The following ASB11 variants were observed in gnomAD, a reference collection of about 807,000 sequenced individuals.
The protein encoded by ASB11 is ankyrin repeat and SOCS box containing 11.
ASB11 carries 17 observed loss-of-function variants against 20.1 expected under a neutral mutation model. The ratio of observed to expected loss-of-function variants is 0.85; its 90% CI spans 0.58 to 1.27. The LOEUF (loss-of-function observed/expected upper bound fraction) is 1.27, where lower values mean the gene tolerates loss of function less well. Among genes scored for constraint, ASB11 ranks in the 50% most tolerant of loss-of-function variants. The pLI, the probability that ASB11 is intolerant of heterozygous loss-of-function variation, is 0.00. For synonymous variants in ASB11, 107 were observed against 105.6 expected, an observed-to-expected ratio of 1.01 and a Z score of -0.08; for missense variants, 259 against 256.9, an observed-to-expected ratio of 1.01 and a Z score of -0.06.
rs140433192 is a variant in ASB11, at chrX:15,289,630, C to G, written c.529G>C (p.Glu177Gln). Residue 177 changes from glutamate (E) to glutamine (Q), a missense_variant, in exon 5 of 7, where the codon GAG (glutamate) becomes CAG (glutamine). Glu to Gln is a conservative substitution (Grantham distance 29). Coordinates refer to ENST00000480796, the MANE Select transcript of ASB11 (RefSeq NM_080873.3). ...TTTGCCAGCAGGATCTCCATGCACT[C>G]TCTGTGACCTGGTGGAACACAAGAT... ...IHEAVKRGHR[E>Q]CMEILLANNV... is the part of the protein sequence containing the mutation. 3.5e-5 allele frequency: 42 copies of G among 1,206,072 alleles called. No homozygotes were observed. The highest frequency in any genetic ancestry group is 4.7e-5 in the Non-Finnish European group (42 of 893,256).
intron 1 of ASB11, among the ~76,000 whole-genome samples, chrX:15,311,130 TA>T (rs1921418865): frequency 8.9e-6 from 1 of 112,635 alleles, no homozygotes; most frequent in African/African-American, 3.2e-5. Flanking sequence ...GAAACAAAGG[TA>T]ACTGGGAAAA....
intron 3 of ASB11, among the ~76,000 whole-genome samples, chrX:15,294,612 C>A (rs112173368): frequency 0.024 from 2,718 of 111,730 alleles, 92 homozygotes; most frequent in African/African-American, 0.083. Flanking sequence ...TTCAAATGAC[C>A]CTCCTGCCTC....
At chrX:15,312,603 GACAATAGTTT>G (rs1921476040) in intron 1 of ASB11, among the ~76,000 whole-genome samples, 1 of 109,988 alleles carries the variant, frequency 9.1e-6, no homozygotes, top group East Asian at 2.8e-4. Flanking sequence ...TGACATTGCT[GACAATAGTTT>G]ACAGGAATAG....
rs60765469 is a variant in ASB11 at position 15,309,967 on chromosome X, CAAAAAAA to C, written c.181+5451_181+5457del. Among the ~76,000 whole-genome samples, 12 of 15,528 alleles carry C rather than the reference CAAAAAAA, an allele frequency of 7.7e-4. 1 individual carries two copies. The East Asian group carries it at 0.02, about 25-fold the overall frequency. The allele number at this position is 15,528 out of a possible 115,157, so 13.5% of individuals were successfully genotyped here. ...TGGGCGACAGAGCAAGACTCCGTCT[CAAAAAAA>C]AAAAAAAAAAAAAAAAAGTAGAAGT... is the stretch of plus-strand genomic sequence containing the variant. On this transcript the variant is annotated intron_variant, in intron 1 of 6. Coordinates refer to ENST00000480796, the MANE Select transcript of ASB11 (RefSeq NM_080873.3).
At chrX:15,299,295 G>A (rs1921001603) in intron 2 of ASB11, among the ~76,000 whole-genome samples, 1 of 112,096 alleles carries the variant, frequency 8.9e-6, no homozygotes, top group African/African-American at 3.2e-5. Flanking sequence ...GGAAACATGA[G>A]ACATCAATCA....
chrX:15,296,655 G>C (rs139245811), intron 3 of ASB11, among the ~76,000 whole-genome samples: 1 of 111,722 alleles, frequency 9.0e-6, no homozygotes, highest in Non-Finnish European at 1.9e-5. Context: ...TTAAAAGCTC[G>C]CTCATTTTGA....
intron 6 of ASB11, among the ~76,000 whole-genome samples, chrX:15,284,970 G>C (rs1448332996): frequency 9.0e-6 from 1 of 111,070 alleles, no homozygotes; most frequent in African/African-American, 3.3e-5. Flanking sequence ...AAGCTACCTG[G>C]AGGACCAAAC....
intron 2 of ASB11, among the ~76,000 whole-genome samples, chrX:15,299,963 C>T (rs989584143): frequency 8.9e-6 from 1 of 111,786 alleles, no homozygotes; most frequent in African/African-American, 3.3e-5. Flanking sequence ...ATTGTCCCTT[C>T]ATCATAAGGC....
intron 3 of ASB11, among the ~76,000 whole-genome samples, chrX:15,294,966 C>T (rs772747984): frequency 1.8e-5 from 2 of 112,220 alleles, no homozygotes; most frequent in Non-Finnish European, 3.8e-5. Flanking sequence ...AATTGCCTCT[C>T]CTTGAGTGGG....
rs754206789 is a variant in ASB11, at chrX:15,289,512, A to G, written c.647T>C (p.Leu216Pro). ...YQRVDCVKKL[L>P]ELGASVDHGQ... ...ATAATTTTGGAAATTACCTAATTCT[A>G]GAAGTTTCTTCACACAGTCTACCCT... The change falls in exon 5 of 7, where the codon CTA becomes CCA. Residue 216 changes from leucine (L) to proline (P), a missense_variant. By Grantham distance (98) the Leu-to-Pro change is moderately conservative. Coordinates refer to ENST00000480796, the MANE Select transcript of ASB11 (RefSeq NM_080873.3). 20 of 1,194,810 alleles carry G rather than the reference A, an allele frequency of 1.7e-5. No homozygotes were observed. Among genetic ancestry groups the G allele is most frequent in the South Asian group, 1.3e-4 (7 of 53,553 alleles).
In ASB11 at chrX:15,282,775, C is replaced by A. The variant is rs1025802404; in HGVS notation, c.*730G>T. The A allele has an allele frequency of 5.5e-4, 60 of 108,324 alleles. 1 individual carries two copies. The highest frequency in any genetic ancestry group is 2.3e-4 in the Non-Finnish European group (12 of 52,422). The allele number at this position is 108,324 out of a possible 1,213,427, so 8.9% of individuals were successfully genotyped here. Reference sequence around the variant, plus strand: ...GAAGCCTCAGTTAACTACAATGTTTCTGAAGTCCTTAACTTTATATATGTA... The same window carrying A: ...GAAGCCTCAGTTAACTACAATGTTTATGAAGTCCTTAACTTTATATATGTA... On this transcript the variant is annotated 3_prime_UTR_variant, in exon 7 of 7. Transcript: ENST00000480796.
At chrX:15,284,418 C>T (rs1167242263) in intron 6 of ASB11, among the ~76,000 whole-genome samples, 1 of 110,988 alleles carries the variant, frequency 9.0e-6, no homozygotes, top group East Asian at 2.8e-4. Flanking sequence ...GTGACAGAGG[C>T]AGTGTTAGGA....
rs186759995 is a variant in ASB11, at chrX:15,305,529, T to G, written c.182-2722A>C. ...GGGTGAAGAGAAGCAGGAATTTTTT[T>G]GTACTGTTCTTGTAACTTTTCTGTC... On this transcript the variant is annotated intron_variant, in intron 1 of 6. Coordinates refer to ENST00000480796, the MANE Select transcript of ASB11 (RefSeq NM_080873.3). Among the ~76,000 whole-genome samples, 7 of 110,744 alleles carry G rather than the reference T, an allele frequency of 6.3e-5. No individual in the cohort carries two copies. In the East Asian group the frequency reaches 2.0e-3, roughly 31 times the overall value.
intron 2 of ASB11, 27 bp downstream of exon 2, chrX:15,302,701 G>A (rs777786866): frequency 8.6e-7 from 1 of 1,160,454 alleles, no homozygotes; most frequent in African/African-American, 1.8e-5. Flanking sequence ...GCATAAGCAT[G>A]AAGGATCAAG....
chrX:15,289,443 G>T, intron 5 of ASB11, 61 bp downstream of exon 5: 1 of 1,060,421 alleles, frequency 9.4e-7, no homozygotes, highest in Non-Finnish European at 1.3e-6. Flanking sequence ...CTTCATCTTT[G>T]AAGCTGTAGA....
Position 15,282,235 on chromosome X carries a change from G to C in ASB11, c.*1270C>G, listed in dbSNP as rs1392806316. On this transcript the variant is annotated 3_prime_UTR_variant, in exon 7 of 7. Coordinates refer to ENST00000480796, the MANE Select transcript of ASB11 (RefSeq NM_080873.3). ...TGTGAAATGAGTCTTAGGATGATCTGAGAGGGAATTTTCATTTTAGAACTG... is the reference window on the plus strand; with the variant it reads ...TGTGAAATGAGTCTTAGGATGATCTCAGAGGGAATTTTCATTTTAGAACTG... 9.0e-6 allele frequency: 1 copy of C among 111,432 alleles called. No individual in the cohort carries two copies. The highest frequency in any genetic ancestry group is 1.9e-5 in the Non-Finnish European group (1 of 53,122). 9.2% of individuals were successfully genotyped at this position (111,432 alleles called of 1,213,427 possible).
intron 1 of ASB11, among the ~76,000 whole-genome samples, chrX:15,313,361 T>C (rs1297657278): frequency 1.8e-5 from 2 of 110,626 alleles, no homozygotes; most frequent in Non-Finnish European, 3.8e-5. Context: ...ATCGTGCCAC[T>C]GAACTCCAGC....
chrX:15,284,233 C>G (rs1361057022), intron 6 of ASB11, among the ~76,000 whole-genome samples: 44 of 85,388 alleles, frequency 5.2e-4, no homozygotes, highest in African/African-American at 2.1e-3. Flanking sequence ...GCCTGGGCGA[C>G]AGAGCGAGAC....
intron 1 of ASB11, among the ~76,000 whole-genome samples, chrX:15,312,944 G>A (rs1423068943): frequency 3.6e-5 from 4 of 111,901 alleles, no homozygotes; most frequent in Non-Finnish European, 5.6e-5. Context: ...TAAAGGACTG[G>A]GTTTTGAATA....
Sources: gnomAD v4.1 joint callset for allele counts (sites outside exome capture counted in the v4.1 genomes callset) on GRCh38, gnomAD v4.1.1 for gene constraint, MANE v1.5 for transcripts, NCBI Gene and HGNC (gene_info 2026-07-23, HGNC 2026-07-21) for gene names.